FSTL5: variants seen among roughly 807,000 people sequenced by gnomAD.
FSTL5 encodes the protein follistatin-related protein 5.
FSTL5 carries 62 observed loss-of-function variants against 89.1 expected under a neutral mutation model. The ratio of observed to expected loss-of-function variants is 0.70; its 90% CI spans 0.57 to 0.86. The LOEUF is 0.86. FSTL5 is among the 40% of genes least tolerant of loss of function. The probability of loss-of-function intolerance (pLI) is 0.00; values close to 1 mark genes in which losing one functional copy is unlikely to be tolerated. For missense variants in FSTL5, 1,057 were observed against 1,001.6 expected (o/e 1.06, Z -0.75); for synonymous variants, 383 against 346.2 (o/e 1.11, Z -1.18).
At chr4:162,053,819 T>A (rs1335837678) in intron 2 of FSTL5, among the ~76,000 whole-genome samples, 2 of 151,794 alleles carry the variant, frequency 1.3e-5, no homozygotes, top group African/African-American at 4.8e-5. Context: ...AACATTCTTA[T>A]AAAATTCTGT....
intron 2 of FSTL5, among the ~76,000 whole-genome samples, chr4:162,066,163 C>T (rs891081999): frequency 2.6e-5 from 4 of 151,722 alleles, no homozygotes; most frequent in African/African-American, 9.7e-5. Context: ...TGATTCTTTT[C>T]CACTCTTTTT....
chr4:162,151,139 A>T (rs530912306), intron 1 of FSTL5, among the ~76,000 whole-genome samples: 1 of 152,298 alleles, frequency 6.6e-6, no homozygotes. Context: ...GAGGTATTCA[A>T]CTGAATCATT....
chr4:161,916,397 A>C (rs1039897068), intron 4 of FSTL5, among the ~76,000 whole-genome samples: 2 of 152,322 alleles, frequency 1.3e-5, no homozygotes, highest in South Asian at 4.1e-4. Flanking sequence ...CCAGGGTGAA[A>C]GGAAATTGTA....
intron 3 of FSTL5, among the ~76,000 whole-genome samples, chr4:161,935,542 G>T (rs1394107908): frequency 6.6e-6 from 1 of 152,088 alleles, no homozygotes; most frequent in Non-Finnish European, 1.5e-5. Context: ...CCTAGACAAA[G>T]ATCTCTTTAA....
chr4:161,745,832 A>G (rs576823234), intron 6 of FSTL5, among the ~76,000 whole-genome samples: 1 of 152,246 alleles, frequency 6.6e-6, no homozygotes, highest in East Asian at 1.9e-4. Flanking sequence ...TATGATTATA[A>G]TAAAATGAAT....
At chr4:161,905,487 T>G (rs1049074167) in intron 4 of FSTL5, among the ~76,000 whole-genome samples, 1 of 152,146 alleles carries the variant, frequency 6.6e-6, no homozygotes, top group Non-Finnish European at 1.5e-5. Flanking sequence ...AAAACGATTA[T>G]GACCAGATTT....
chr4:161,597,661 C>CAA (rs71598716), intron 7 of FSTL5, among the ~76,000 whole-genome samples: 25 of 146,758 alleles, frequency 1.7e-4, no homozygotes, highest in East Asian at 8.2e-4. Context: ...TAAATAAATA[C>CAA]AAAAAAAAAG....
chr4:161,806,557 G>C (rs1303299278), intron 4 of FSTL5, among the ~76,000 whole-genome samples: 1 of 152,262 alleles, frequency 6.6e-6, no homozygotes, highest in East Asian at 1.9e-4. Flanking sequence ...GCAAGTCACT[G>C]TTGACAATAA....
intron 3 of FSTL5, among the ~76,000 whole-genome samples, chr4:161,985,211 A>G (rs1355951772): frequency 6.6e-6 from 1 of 152,116 alleles, no homozygotes; most frequent in African/African-American, 2.4e-5. Context: ...AAATGCCATC[A>G]GGGTTGATTT....
chr4:161,755,288 ATAACT>A (rs1740529954), intron 6 of FSTL5, among the ~76,000 whole-genome samples: 2 of 152,218 alleles, frequency 1.3e-5, no homozygotes, highest in South Asian at 2.1e-4. Context: ...AAATATTAAA[ATAACT>A]TATCTAATCC....
chr4:162,056,290 C>A (rs576583638), intron 2 of FSTL5, among the ~76,000 whole-genome samples: 1 of 151,950 alleles, frequency 6.6e-6, no homozygotes, highest in African/African-American at 2.4e-5. Flanking sequence ...AGAATCAATG[C>A]TGATGATTTT....
chr4:161,716,687 C>T (rs1254842631), intron 6 of FSTL5, among the ~76,000 whole-genome samples: 1 of 152,146 alleles, frequency 6.6e-6, no homozygotes, highest in Non-Finnish European at 1.5e-5. Context: ...ATTATTTCCA[C>T]ATGATATTTT....
intron 6 of FSTL5, among the ~76,000 whole-genome samples, chr4:161,707,062 T>A (rs1368847565): frequency 6.6e-6 from 1 of 151,618 alleles, no homozygotes; most frequent in Non-Finnish European, 1.5e-5. Flanking sequence ...TGTGTACCTG[T>A]TGTAATGCAC....
intron 15 of FSTL5, among the ~76,000 whole-genome samples, chr4:161,423,573 A>G (rs1732062549): frequency 6.6e-6 from 1 of 151,336 alleles, no homozygotes; most frequent in Non-Finnish European, 1.5e-5. Flanking sequence ...TTCTTTTTTT[A>G]AAGTTAATTA....
intron 13 of FSTL5, among the ~76,000 whole-genome samples, chr4:161,475,181 C>T (rs1387704622): frequency 6.6e-6 from 1 of 152,028 alleles, no homozygotes; most frequent in African/African-American, 2.4e-5. Context: ...ATAATTCTTT[C>T]TTTGGCTTTG....
At chr4:161,659,675 G>C (rs1441367260) in intron 6 of FSTL5, among the ~76,000 whole-genome samples, 2 of 151,978 alleles carry the variant, frequency 1.3e-5, no homozygotes, top group Non-Finnish European at 2.9e-5. Context: ...ATTTAAAAAC[G>C]ATTTTTATAT....
rs375562032 is a variant in FSTL5, at chr4:162,111,372, A to G, written c.25T>C (p.Leu9=). MFKCWSVV[L]VLGFIFLESE... ...TCCAGAAAAATGAATCCGAGAACCA[A>G]GACAACTGACCAGCACTTAAACATC... is the stretch of plus-strand genomic sequence containing the variant. Residue 9 remains leucine (L), a synonymous_variant, in exon 2 of 16, where the codon TTG becomes CTG. Coordinates refer to ENST00000306100, the MANE Select transcript of FSTL5 (RefSeq NM_020116.5). 4.3e-6 allele frequency: 7 copies of G among 1,612,530 alleles called. No homozygotes were observed. The highest frequency in any genetic ancestry group is 5.9e-6 in the Non-Finnish European group (7 of 1,179,014).
chr4:161,838,168 C>A (rs1731103235), intron 4 of FSTL5, among the ~76,000 whole-genome samples: 1 of 151,984 alleles, frequency 6.6e-6, no homozygotes, highest in Non-Finnish European at 1.5e-5. Context: ...AGACAGCAAA[C>A]AGAAACACTA....
intron 3 of FSTL5, among the ~76,000 whole-genome samples, chr4:161,965,134 C>T (rs979618576): frequency 6.6e-5 from 10 of 152,108 alleles, no homozygotes; most frequent in Admixed American, 5.2e-4. Context: ...CATGTGAATA[C>T]TGAAGTTTTA....
Sources: allele counts gnomAD v4.1 joint callset (sites outside exome capture counted in the v4.1 genomes callset), GRCh38; gene constraint gnomAD v4.1.1; transcripts MANE v1.5; gene names NCBI Gene and HGNC (gene_info 2026-07-23, HGNC 2026-07-21).